Variants in CLTRN observed in about 807,000 individuals in gnomAD.
CLTRN encodes collectrin, amino acid transport regulator.
A neutral mutation model predicts 14.5 loss-of-function variants in CLTRN; 12 were observed. The ratio of observed to expected loss-of-function variants is 0.83; its 90% CI spans 0.53 to 1.34. The LOEUF (loss-of-function observed/expected upper bound fraction) is 1.34. CLTRN is among the 40% of genes most tolerant of loss of function. The probability of loss-of-function intolerance (pLI) is 0.00; values close to 1 mark genes in which losing one functional copy is unlikely to be tolerated. For missense variants in CLTRN, 154 were observed against 165.1 expected (o/e 0.93, Z 0.37); for synonymous variants, 58 against 56.5 (o/e 1.03, Z -0.12).
At chrX:15,639,826 C>T (rs982497015) in intron 4 of CLTRN, 70 bp from the exon 5 acceptor site, 1 of 944,926 alleles carries the variant, frequency 1.1e-6, no homozygotes, top group Non-Finnish European at 1.5e-6. Context: ...AAAGTACAAA[C>T]CTGTTTCTCC....
chrX:15,658,649 T>C (rs776542179), intron 3 of CLTRN, among the ~76,000 whole-genome samples: 10 of 110,660 alleles, frequency 9.0e-5, no homozygotes, highest in Non-Finnish European at 1.3e-4. Context: ...AAAGAACTTA[T>C]ACACACTTAG....
Position 15,664,423 on chromosome X carries a change from G to A in CLTRN, c.59-28C>T, listed in dbSNP as rs755861444. 9 of 1,135,398 alleles carry A rather than the reference G, an allele frequency of 7.9e-6. No homozygotes were observed. In the Admixed American group the frequency reaches 1.3e-4, roughly 16 times the overall value. 93.6% of individuals were successfully genotyped at this position (1,135,398 alleles called of 1,213,427 possible). A position where few individuals can be genotyped will look rare whatever the true frequency, so the allele number is the denominator to read the frequency against. On this transcript the variant is annotated intron_variant, in intron 1 of 5. Transcript: ENST00000380342. ...GCCAGAAAAGAAAAAAGAAAGAGCA[G>A]TATATGATGATTAGGATCTGCCAAA...
At chrX:15,651,980 T>C (rs1354399955) in intron 3 of CLTRN, among the ~76,000 whole-genome samples, 1 of 112,228 alleles carries the variant, frequency 8.9e-6, no homozygotes, top group Non-Finnish European at 1.9e-5. Flanking sequence ...ATCCTGAATA[T>C]ACTGTAGATG....
At chrX:15,648,467 C>T (rs1929140235) in intron 3 of CLTRN, among the ~76,000 whole-genome samples, 1 of 110,810 alleles carries the variant, frequency 9.0e-6, no homozygotes, top group Admixed American at 9.6e-5. Flanking sequence ...AGGACAAAAT[C>T]ACCCCCCTGG....
chrX:15,644,681 A>G lies in CLTRN; in HGVS notation c.317+235T>C, dbSNP rs1372220546. ...TGTGACAATAAAAATGTCTCCAGAC[A>G]TTGCGAAATGTCTCCAGATATTGCC... On this transcript the variant is annotated intron_variant, in intron 4 of 5. Coordinates refer to ENST00000380342, the MANE Select transcript of CLTRN (RefSeq NM_020665.6). Among the ~76,000 whole-genome samples the G allele has an allele frequency of 8.9e-5, 10 of 111,992 alleles. No individual in the cohort carries two copies. The Admixed American group carries it at 9.4e-4, about 11-fold the overall frequency.
At chrX:15,669,014 G>A (rs972050840), upstream of CLTRN, among the ~76,000 whole-genome samples, 15 of 110,972 alleles carry the variant, frequency 1.4e-4, no homozygotes, top group Admixed American at 1.1e-3. Flanking sequence ...TATCTTTGTT[G>A]TTTAATCAAA....
chrX:15,627,621 C>A lies in CLTRN; in HGVS notation c.*350G>T. 7.8e-6 allele frequency: 1 copy of A among 128,916 alleles called. No individual in the cohort carries two copies. Among genetic ancestry groups the A allele is most frequent in the African/African-American group, 3.1e-5 (1 of 32,031 alleles). The allele number at this position is 128,916 out of a possible 1,213,427, so 10.6% of individuals were successfully genotyped here. On this transcript the variant is annotated 3_prime_UTR_variant, in exon 6 of 6. Transcript: ENST00000380342. ...TTCTACACCATATTATATGTATTCTCCACTGGAAAATTTATTTTTCCTTAG... is the reference window on the plus strand; with the variant it reads ...TTCTACACCATATTATATGTATTCTACACTGGAAAATTTATTTTTCCTTAG...
At chrX:15,652,755 A>G (rs1258840021) in intron 3 of CLTRN, among the ~76,000 whole-genome samples, 1 of 111,772 alleles carries the variant, frequency 8.9e-6, no homozygotes, top group East Asian at 2.8e-4. Context: ...AAAATGGCTG[A>G]CCCCTAACAA....
intron 3 of CLTRN, among the ~76,000 whole-genome samples, chrX:15,652,686 A>G (rs758384287): frequency 8.9e-6 from 1 of 112,286 alleles, no homozygotes. Flanking sequence ...CACCACAAGT[A>G]AAGTCAGAAG....
chrX:15,659,012 T>TTACTCTGTTGC lies in CLTRN; in HGVS notation c.196_203+3dup. On this transcript the variant is annotated splice_donor_region_variant and intron_variant, in intron 3 of 5. Coordinates refer to ENST00000380342, the MANE Select transcript of CLTRN (RefSeq NM_020665.6). ...TCAGTTAAGATTTCTCATTATTTGC[T>TTACTCTGTTGC]TACTCTGTTGCTTCTCTGTTGGGAA... The TTACTCTGTTGC allele has an allele frequency of 9.0e-7, 1 of 1,109,607 alleles. No homozygotes were observed. Among genetic ancestry groups the TTACTCTGTTGC allele is most frequent in the Non-Finnish European group, 1.2e-6 (1 of 809,989 alleles). The allele number at this position is 1,109,607 out of a possible 1,213,427, so 91.4% of individuals were successfully genotyped here.
chrX:15,663,321 G>C (rs1003428432), intron 2 of CLTRN, among the ~76,000 whole-genome samples: 1 of 112,256 alleles, frequency 8.9e-6, no homozygotes, highest in Non-Finnish European at 1.9e-5. Flanking sequence ...CACACTAGTA[G>C]AGACAGTGTA....
At chrX:15,668,773 G>A (rs189484303), upstream of CLTRN, among the ~76,000 whole-genome samples, 1 of 111,670 alleles carries the variant, frequency 9.0e-6, no homozygotes, top group East Asian at 2.8e-4. Flanking sequence ...GTGCATTTTA[G>A]AGGAAGAGTT....
At chrX:15,675,381 T>G (rs866743966), upstream of CLTRN, among the ~76,000 whole-genome samples, 1 of 107,877 alleles carries the variant, frequency 9.3e-6, no homozygotes, top group Non-Finnish European at 1.9e-5. Context: ...AAAAGGGAAG[T>G]AGGGACATGA....
intron 5 of CLTRN, 72 bp downstream of exon 5, chrX:15,639,490 C>G: frequency 1.0e-6 from 1 of 975,067 alleles, no homozygotes; most frequent in African/African-American, 1.9e-5. Flanking sequence ...AGAGGAAAAT[C>G]CTCTCCTGAT....
At chrX:15,669,643 C>T (rs962118836), upstream of CLTRN, among the ~76,000 whole-genome samples, 2 of 111,707 alleles carry the variant, frequency 1.8e-5, no homozygotes, top group Admixed American at 9.5e-5. Flanking sequence ...ACACATGTGT[C>T]GTTCTTTTGA....
chrX:15,636,304 C>T (rs1461106411), intron 5 of CLTRN, among the ~76,000 whole-genome samples: 4 of 111,902 alleles, frequency 3.6e-5, no homozygotes, highest in South Asian at 3.7e-4. Context: ...CCTAAGTGTC[C>T]ATCAATGAAT....
At chrX:15,658,971 A>G in intron 3 of CLTRN, 45 bp downstream of exon 3, 1 of 784,713 alleles carries the variant, frequency 1.3e-6, no homozygotes, top group East Asian at 3.6e-5. Context: ...ACTATCTCAA[A>G]TAATACTGTA....
intron 2 of CLTRN, among the ~76,000 whole-genome samples, chrX:15,661,107 G>A (rs964450163): frequency 1.8e-5 from 2 of 112,147 alleles, no homozygotes; most frequent in African/African-American, 6.5e-5. Flanking sequence ...AAAACATGAA[G>A]AAGAAATGGG....
intron 2 of CLTRN, among the ~76,000 whole-genome samples, chrX:15,663,280 C>T (rs1044502435): frequency 8.9e-6 from 1 of 112,401 alleles, no homozygotes; most frequent in Admixed American, 9.4e-5. Flanking sequence ...ATCGTACCTG[C>T]TATTAGAGGA....
Sources: gnomAD v4.1 joint callset for allele counts (sites outside exome capture counted in the v4.1 genomes callset) on GRCh38, gnomAD v4.1.1 for gene constraint, MANE v1.5 for transcripts, NCBI Gene and HGNC (gene_info 2026-07-23, HGNC 2026-07-21) for gene names.